The following SHOC2 variants were observed in gnomAD, a reference collection of about 807,000 sequenced individuals.
SHOC2 encodes the protein leucine-rich repeat protein SHOC-2.
In SHOC2, 4 loss-of-function variants were observed where a neutral mutation model predicts 50.2. That is an observed-to-expected ratio of 0.08 (90% confidence interval 0.04 to 0.18). The LOEUF is 0.18. SHOC2 is among the 10% of genes least tolerant of loss of function. The probability of loss-of-function intolerance (pLI) is 1.00; values close to 1 mark genes in which losing one functional copy is unlikely to be tolerated. For synonymous variants in SHOC2, 218 were observed against 244.5 expected (o/e 0.89, Z 1.01); for missense variants, 388 against 669.6 (o/e 0.58, Z 4.64).
rs529372523 is a variant in SHOC2 at position 111,008,205 on chromosome 10, G to T, written c.1284+552G>T. ...TTTAGTATGTTTTTCCATAATTAAA[G>T]ATCCATCTTATTTTCACCTCTTCAG... is the stretch of plus-strand genomic sequence containing the variant. On this transcript the variant is annotated intron_variant, in intron 6 of 8. Transcript: ENST00000369452. Among the ~76,000 whole-genome samples the T allele has an allele frequency of 2.7e-4, 40 of 148,198 alleles. 1 individual carries two copies. The highest frequency in any genetic ancestry group is 9.5e-4 in the African/African-American group (38 of 40,032).
At chr10:110,922,078 T>C (rs1392150324) in intron 1 of SHOC2, among the ~76,000 whole-genome samples, 2 of 152,114 alleles carry the variant, frequency 1.3e-5, no homozygotes, top group Admixed American at 1.3e-4. Context: ...TACAAGCCAG[T>C]TGGAAATTTG....
chr10:110,938,165 A>G (rs1388104350), intron 1 of SHOC2, among the ~76,000 whole-genome samples: 1 of 152,164 alleles, frequency 6.6e-6, no homozygotes, highest in Non-Finnish European at 1.5e-5. Context: ...ATATGTTTGA[A>G]AAATTTTGAT....
At chr10:110,998,625 T>G (rs912627551) in intron 3 of SHOC2, among the ~76,000 whole-genome samples, 4 of 152,194 alleles carry the variant, frequency 2.6e-5, no homozygotes, top group Non-Finnish European at 5.9e-5. Context: ...TGTACAAAAG[T>G]GATGTATTAG....
chr10:110,930,245 G>T (rs889964242), intron 1 of SHOC2, among the ~76,000 whole-genome samples: 4 of 152,118 alleles, frequency 2.6e-5, no homozygotes, highest in African/African-American at 9.7e-5. Context: ...AACGCCAGTT[G>T]TTTTATAATC....
At chr10:110,960,753 G>A (rs2134116344) in intron 1 of SHOC2, among the ~76,000 whole-genome samples, 1 of 152,274 alleles carries the variant, frequency 6.6e-6, no homozygotes, top group East Asian at 1.9e-4. Context: ...TCAGCTCACT[G>A]CAACCACTGC....
chr10:110,966,478 A>G (rs1439425652), intron 2 of SHOC2, among the ~76,000 whole-genome samples: 2 of 152,128 alleles, frequency 1.3e-5, no homozygotes, highest in East Asian at 1.9e-4. Context: ...GAATTTCTAC[A>G]TAGAAATATA....
At chr10:110,976,844 C>T (rs371838409) in intron 2 of SHOC2, among the ~76,000 whole-genome samples, 11 of 152,096 alleles carry the variant, frequency 7.2e-5, no homozygotes, top group African/African-American at 2.7e-4. Context: ...TGTAACTTTT[C>T]CCTTACTTGG....
intron 3 of SHOC2, among the ~76,000 whole-genome samples, chr10:110,992,514 G>T (rs1848203666): frequency 6.6e-6 from 1 of 152,138 alleles, no homozygotes; most frequent in East Asian, 1.9e-4. Flanking sequence ...ACAGTCCGAA[G>T]TAGGAAAAAA....
At chr10:110,925,752 G>A (rs984918324) in intron 1 of SHOC2, among the ~76,000 whole-genome samples, 26 of 152,100 alleles carry the variant, frequency 1.7e-4, no homozygotes, top group African/African-American at 4.1e-4. Context: ...CCACCACGCC[G>A]GACCTTTCAT....
intron 1 of SHOC2, among the ~76,000 whole-genome samples, chr10:110,942,136 C>CTGGG (rs1847159332): frequency 4.2e-5 from 2 of 47,394 alleles, no homozygotes; most frequent in Admixed American, 5.5e-4. Context: ...GGTCTTCTGG[C>CTGGG]TCTTTGAGTT....
intron 1 of SHOC2, among the ~76,000 whole-genome samples, chr10:110,956,363 C>T (rs975475342): frequency 1.3e-5 from 2 of 152,118 alleles, no homozygotes; most frequent in Non-Finnish European, 1.5e-5. Flanking sequence ...CAGGTGCGCG[C>T]CAGCACACCT....
chr10:111,007,971 T>G (rs1207922682), intron 6 of SHOC2, among the ~76,000 whole-genome samples: 1 of 151,782 alleles, frequency 6.6e-6, no homozygotes, highest in Non-Finnish European at 1.5e-5. Flanking sequence ...AACTACACCA[T>G]TGTCTACCAA....
chr10:110,935,327 A>T (rs1213885365), intron 1 of SHOC2, among the ~76,000 whole-genome samples: 1 of 152,236 alleles, frequency 6.6e-6, no homozygotes, highest in Non-Finnish European at 1.5e-5. Flanking sequence ...AGCATCCAGC[A>T]GTTTGGCTAC....
intron 6 of SHOC2, among the ~76,000 whole-genome samples, 169 bp from the exon 7 acceptor site, chr10:111,009,078 TG>T (rs1472532390): frequency 1.3e-5 from 2 of 152,168 alleles, no homozygotes; most frequent in African/African-American, 2.4e-5. Flanking sequence ...ATAACTATGG[TG>T]TTTTTTTAGA....
intron 1 of SHOC2, among the ~76,000 whole-genome samples, chr10:110,941,665 CTT>C (rs1174061715): frequency 6.6e-6 from 1 of 152,066 alleles, no homozygotes; most frequent in Non-Finnish European, 1.5e-5. Context: ...AAATGTAAGA[CTT>C]TTGTCGAATA....
At chr10:110,937,341 A>C (rs1231001704) in intron 1 of SHOC2, 4 of 637,152 alleles carry the variant, frequency 6.3e-6, no homozygotes, top group Non-Finnish European at 1.1e-5. Flanking sequence ...TGTTTCAAGC[A>C]AGGGACTGTT....
intron 3 of SHOC2, among the ~76,000 whole-genome samples, chr10:110,990,465 T>C (rs1236197701): frequency 6.6e-6 from 1 of 152,144 alleles, no homozygotes; most frequent in African/African-American, 2.4e-5. Flanking sequence ...TGTATCTAGC[T>C]GCTCTGGTGG....
At chr10:110,926,533 A>T (rs1846778243) in intron 1 of SHOC2, among the ~76,000 whole-genome samples, 1 of 152,252 alleles carries the variant, frequency 6.6e-6, no homozygotes, top group South Asian at 2.1e-4. Flanking sequence ...TAGAGGGATA[A>T]GAGAGTTGAA....
chr10:111,007,090 C>T (rs1234665149), intron 5 of SHOC2, among the ~76,000 whole-genome samples: 2 of 152,168 alleles, frequency 1.3e-5, no homozygotes, highest in African/African-American at 4.8e-5. Context: ...CTGCTCAGCA[C>T]CTTAAGAATT....
Sources: allele counts gnomAD v4.1 joint callset (sites outside exome capture counted in the v4.1 genomes callset), GRCh38; gene constraint gnomAD v4.1.1; transcripts MANE v1.5; gene names NCBI Gene and HGNC (gene_info 2026-07-23, HGNC 2026-07-21).